TENM2: variants seen among roughly 807,000 people sequenced by gnomAD.
The protein encoded by TENM2 is teneurin transmembrane protein 2, also known as teneurin-2.
Under a neutral mutation model 245.2 loss-of-function variants are expected in TENM2, and 52 were observed. The observed-to-expected ratio is 0.21, with a 90% CI of 0.17 to 0.27. TENM2 has a LOEUF of 0.27. Among genes scored for constraint, TENM2 ranks in the 10% least tolerant of loss-of-function variants. The pLI is 1.00. For missense variants in TENM2, 3,046 were observed against 3,666.8 expected (o/e 0.83, Z 4.37); for synonymous variants, 1,363 against 1,438.9 (o/e 0.95, Z 1.19).
At chr5:168,098,197 G>T in intron 9 of TENM2, 70 bp downstream of exon 11, 1 of 1,096,488 alleles carries the variant, frequency 9.1e-7, no homozygotes. Context: ...GCGGGTAACA[G>T]AAGGGACATC....
intron 2 of TENM2, among the ~76,000 whole-genome samples, chr5:167,383,810 G>A (rs1387364972): frequency 2.7e-5 from 4 of 147,886 alleles, no homozygotes; most frequent in Non-Finnish European, 6.0e-5. Flanking sequence ...TTTTGAATAT[G>A]TTTTATGATG....
chr5:168,162,555 C>A, intron 12 of TENM2, 56 bp from the exon 15 acceptor site: 2 of 1,585,954 alleles, frequency 1.3e-6, no homozygotes, highest in Admixed American at 3.4e-5. Flanking sequence ...GGCTCCCCTG[C>A]TTCCCCAGCG....
intron 1 of TENM2, among the ~76,000 whole-genome samples, chr5:167,338,615 A>C (rs564247738): frequency 1.7e-4 from 26 of 152,336 alleles, no homozygotes; most frequent in African/African-American, 5.8e-4. Context: ...AAGGCAGTAC[A>C]GTCCTACAGT....
the TENM2 span, among the ~76,000 whole-genome samples, chr5:166,990,414 T>C: frequency 2.0e-5 from 3 of 152,310 alleles, no homozygotes; most frequent in African/African-American, 7.2e-5. Context: ...AAATATGAGA[T>C]ACTGAAGTGT....
At chr5:167,513,607 A>C (rs115195520) in intron 2 of TENM2, among the ~76,000 whole-genome samples, 1 of 152,128 alleles carries the variant, frequency 6.6e-6, no homozygotes. Flanking sequence ...TGGAATAGCC[A>C]CTTTAGAGCA....
chr5:167,315,390 T>C (rs1756303792), intron 1 of TENM2, among the ~76,000 whole-genome samples: 3 of 152,210 alleles, frequency 2.0e-5, no homozygotes, highest in African/African-American at 7.2e-5. Context: ...GACTGTTTTC[T>C]CTATTAATTT....
the TENM2 span, among the ~76,000 whole-genome samples, chr5:167,136,946 A>C: frequency 6.6e-6 from 1 of 152,198 alleles, no homozygotes; most frequent in African/African-American, 2.4e-5. Flanking sequence ...ACATAAATTT[A>C]TTTCTCACAG....
exon 25 of TENM2, chr5:168,227,980 C>T (rs769335374): frequency 3.3e-5 from 54 of 1,613,624 alleles, no homozygotes; most frequent in South Asian, 1.5e-4. Context: ...GCTTCCACAG[C>T]GAGCCCCATG....
chr5:168,099,983 T>C (rs899986757), intron 9 of TENM2, among the ~76,000 whole-genome samples: 1 of 152,182 alleles, frequency 6.6e-6, no homozygotes, highest in Non-Finnish European at 1.5e-5. Flanking sequence ...ATTCTCTTCG[T>C]AGCAATTGTG....
At chr5:168,017,970 C>G (rs1465523546) in intron 5 of TENM2, among the ~76,000 whole-genome samples, 2 of 152,158 alleles carry the variant, frequency 1.3e-5, no homozygotes, top group African/African-American at 4.8e-5. Flanking sequence ...TCTCATAGCT[C>G]CCTCTTCTAC....
chr5:167,164,924 G>A, the TENM2 span: 4 of 152,080 alleles, frequency 2.6e-5, no homozygotes, highest in African/African-American at 9.7e-5. Flanking sequence ...TTGATGATAG[G>A]AGAATTTGAT....
chr5:167,660,610 T>G (rs1273322525), intron 2 of TENM2: 1 of 151,910 alleles, frequency 6.6e-6, no homozygotes, highest in Non-Finnish European at 1.5e-5. Flanking sequence ...TTAAAGGCTC[T>G]AAGAAGTCAG....
the TENM2 span, among the ~76,000 whole-genome samples, chr5:167,262,531 C>CT: frequency 6.6e-6 from 1 of 152,088 alleles, no homozygotes; most frequent in African/African-American, 2.4e-5. Flanking sequence ...CTTTTCCATT[C>CT]TTTTTTCTAG....
intron 2 of TENM2, among the ~76,000 whole-genome samples, chr5:167,737,442 CTGCT>C (rs1461081069): frequency 1.3e-5 from 2 of 152,202 alleles, no homozygotes; most frequent in Non-Finnish European, 2.9e-5. Context: ...TGTTTGGCTG[CTGCT>C]TTCGAAGGTC....
At chr5:167,177,918 C>G in the TENM2 span, among the ~76,000 whole-genome samples, 1 of 152,160 alleles carries the variant, frequency 6.6e-6, no homozygotes, top group Non-Finnish European at 1.5e-5. Flanking sequence ...CTATAAAACA[C>G]GCAAAGCCTC....
At chr5:167,738,783 C>A (rs1488484390) in intron 2 of TENM2, among the ~76,000 whole-genome samples, 2 of 152,116 alleles carry the variant, frequency 1.3e-5, no homozygotes, top group Non-Finnish European at 2.9e-5. Context: ...TCTGTGTGCA[C>A]CCTCATCCCT....
At chr5:167,910,098 C>A (rs2151572550) in intron 3 of TENM2, among the ~76,000 whole-genome samples, 1 of 152,180 alleles carries the variant, frequency 6.6e-6, no homozygotes, top group South Asian at 2.1e-4. Flanking sequence ...ATCTACAATG[C>A]AACACAATGA....
At chr5:167,449,517 T>TAGA (rs1451978170) in intron 2 of TENM2, among the ~76,000 whole-genome samples, 2 of 12,146 alleles carry the variant, frequency 1.6e-4, no homozygotes, top group African/African-American at 3.8e-4. Context: ...TGCAGATAGA[T>TAGA]AGATAGATAG....
At chr5:167,281,201 C>T (rs139047886), upstream of TENM2, among the ~76,000 whole-genome samples, 54 of 151,468 alleles carry the variant, frequency 3.6e-4, no homozygotes, top group Admixed American at 7.9e-4. Context: ...CTCCGCTTTC[C>T]GGGTTCAAGC....
Sources: allele counts gnomAD v4.1 joint callset (sites outside exome capture counted in the v4.1 genomes callset), GRCh38; gene constraint gnomAD v4.1.1; transcripts MANE v1.5; gene names NCBI Gene and HGNC (gene_info 2026-07-23, HGNC 2026-07-21).